The following AKAP9 variants were observed in gnomAD, a reference collection of about 807,000 sequenced individuals.
The protein encoded by AKAP9 is A-kinase anchoring protein 9, also known as A-kinase anchor protein 9.
A neutral mutation model predicts 488.5 loss-of-function variants in AKAP9; 311 were observed. The observed-to-expected ratio is 0.64, with a 90% CI of 0.58 to 0.70. The LOEUF is 0.70. Ranked by LOEUF, AKAP9 falls within the 30% of genes least tolerant of loss-of-function variation. The pLI, the probability that AKAP9 is intolerant of heterozygous loss-of-function variation, is 0.00. For synonymous variants in AKAP9, 1,462 were observed against 1,483.5 expected, an observed-to-expected ratio of 0.99 and a Z score of 0.33; for missense variants, 4,215 against 4,374.5, an observed-to-expected ratio of 0.96 and a Z score of 1.03.
In AKAP9 at chr7:92,036,244, G is replaced by A. The variant is rs952403851; in HGVS notation, c.4339-2175G>A. On this transcript the variant is annotated intron_variant, in intron 16 of 49. Transcript: ENST00000356239. The stretch of plus-strand genomic sequence containing the variant: ...TTTGTTGTTCCCTCGTAGGTAATAC[G>A]TCTTTTTTCTTTAGCAACATTTAAG... Among the ~76,000 whole-genome samples the A allele has an allele frequency of 3.3e-5, 5 of 151,776 alleles. 1 individual carries two copies. In the East Asian group the frequency reaches 5.8e-4, roughly 18 times the overall value.
intron 3 of AKAP9, among the ~76,000 whole-genome samples, chr7:91,986,626 T>C (rs145925218): frequency 1.5e-3 from 230 of 152,272 alleles, no homozygotes; most frequent in Middle Eastern, 6.8e-3. Flanking sequence ...AAATGTTAAT[T>C]AATAGTATGG....
chr7:91,985,644 C>T (rs1165945488), intron 3 of AKAP9, among the ~76,000 whole-genome samples: 2 of 151,826 alleles, frequency 1.3e-5, no homozygotes, highest in African/African-American at 4.8e-5. Context: ...GGGAGGATTC[C>T]CCCACCCCCT....
At chr7:91,994,072 T>G (rs1798093638) in intron 5 of AKAP9, among the ~76,000 whole-genome samples, 1 of 152,152 alleles carries the variant, frequency 6.6e-6, no homozygotes, top group African/African-American at 2.4e-5. Flanking sequence ...GAGGCTGTAG[T>G]GAGCCAAAAT....
Position 91,993,058 on chromosome 7 carries a change from A to G in AKAP9, c.576+3A>G, listed in dbSNP as rs1166701479. The G allele has an allele frequency of 2.5e-6, 4 of 1,613,906 alleles. No homozygotes were observed. The highest frequency in any genetic ancestry group is 1.3e-5 in the African/African-American group (1 of 74,928). On this transcript the variant is annotated splice_donor_region_variant and intron_variant, in intron 5 of 49. Coordinates refer to ENST00000356239, the MANE Select transcript of AKAP9 (RefSeq NM_005751.5). ...ATGGGACTGAAGGACTGCAGCAGGTATGTTTATTTTCTGTGGCTTTTGATT... is the reference window on the plus strand; with the variant it reads ...ATGGGACTGAAGGACTGCAGCAGGTGTGTTTATTTTCTGTGGCTTTTGATT...
chr7:91,973,693 T>G lies in AKAP9; in HGVS notation c.49-18T>G. On this transcript the variant is annotated intron_variant, in intron 1 of 49. Transcript: ENST00000356239. ...AAAAATTATCTTTGACAATAACGGT[T>G]ATTTTCTTTTTTCTTAGCTTGCCCA... 1 of 1,612,596 alleles carries G rather than the reference T, an allele frequency of 6.2e-7. No individual in the cohort carries two copies.
intron 1 of AKAP9, among the ~76,000 whole-genome samples, chr7:91,970,988 G>A (rs930736465): frequency 2.0e-5 from 3 of 151,948 alleles, no homozygotes; most frequent in Admixed American, 6.6e-5. Context: ...AAAAACAGGC[G>A]GTGACATGGT....
In AKAP9 at chr7:92,083,361, G is replaced by T; in HGVS notation, c.8352G>T (p.Gly2784=). Residue 2784 remains glycine (G), a synonymous_variant, in exon 33 of 50, where the codon GGG becomes GGT. Transcript: ENST00000356239. Reference sequence around the variant, plus strand: ...AGAGCATTGCATCCCAGACAGATGGGACTCTGAAGATCAGTAGCAGCAATC... The same window carrying T: ...AGAGCATTGCATCCCAGACAGATGGTACTCTGAAGATCAGTAGCAGCAATC... ...LSKSIASQTD[G]TLKISSSNQT... 1 of 1,614,034 alleles carries T rather than the reference G, an allele frequency of 6.2e-7. No homozygotes were observed. The highest frequency in any genetic ancestry group is 8.5e-7 in the Non-Finnish European group (1 of 1,180,018).
At position 92,004,939 on chromosome 7, in the gene AKAP9, ATAT is replaced by A. The variant is rs1417095856; in HGVS notation, c.3318+1706_3318+1708del. Among the ~76,000 whole-genome samples the A allele has an allele frequency of 3.3e-5, 5 of 152,264 alleles. 1 individual carries two copies. In the South Asian group the frequency reaches 1.0e-3, roughly 32 times the overall value. ...TTCCGGTTTTTGTCCATTCAGTATG[ATAT>A]TGGCTGTGGGTTTGTCATAAATAGC... On this transcript the variant is annotated intron_variant, in intron 8 of 49. Transcript: ENST00000356239.
chr7:92,077,892 T>C lies in AKAP9; in HGVS notation c.6945+17T>C. On this transcript the variant is annotated intron_variant, in intron 30 of 49. Transcript: ENST00000356239. ...GATAACAAGGTATACTCATTTAAAA[T>C]TGATTATGAAATTAATATGAACCAG... is the stretch of plus-strand genomic sequence containing the variant. 6.3e-7 allele frequency: 1 copy of C among 1,587,466 alleles called. No individual in the cohort carries two copies. The highest frequency in any genetic ancestry group is 8.6e-7 in the Non-Finnish European group (1 of 1,161,010).
intron 3 of AKAP9, among the ~76,000 whole-genome samples, 162 bp downstream of exon 3, chr7:91,980,495 C>CTCTTTTT (rs370796984): frequency 2.1e-5 from 1 of 48,756 alleles, no homozygotes; most frequent in Non-Finnish European, 3.3e-5. Context: ...GTATTACTGA[C>CTCTTTTT]TTTTTTTTTT....
intron 1 of AKAP9, among the ~76,000 whole-genome samples, chr7:91,952,611 CAG>C (rs1294879759): frequency 6.6e-6 from 1 of 152,098 alleles, no homozygotes; most frequent in African/African-American, 2.4e-5. Context: ...GGAAAAAGCA[CAG>C]AGATGTGGAA....
At chr7:91,977,430 A>G (rs1795843555) in intron 2 of AKAP9, among the ~76,000 whole-genome samples, 1 of 151,850 alleles carries the variant, frequency 6.6e-6, no homozygotes, top group South Asian at 2.1e-4. Context: ...GTGGTGGGCA[A>G]CTGTAGTCCC....
intron 1 of AKAP9, among the ~76,000 whole-genome samples, chr7:91,949,568 T>C (rs953503207): frequency 2.0e-5 from 3 of 152,216 alleles, no homozygotes; most frequent in Non-Finnish European, 2.9e-5. Flanking sequence ...GCTACTTCAC[T>C]AGTATGAGAT....
In AKAP9 at chr7:91,998,418, CTTTTTTTTTTTTTTTTTTTTT is replaced by C. The variant is rs60778133; in HGVS notation, c.931-2413_931-2393del. Among the ~76,000 whole-genome samples, 106 of 53,998 alleles carry C rather than the reference CTTTTTTTTTTTTTTTTTTTTT, an allele frequency of 2.0e-3. 3 individuals are homozygous for C. The highest frequency in any genetic ancestry group is 2.2e-3 in the South Asian group (3 of 1,350). The allele number at this position is 53,998 out of a possible 152,430, so 35.4% of individuals were successfully genotyped here. A position where few individuals can be genotyped will look rare whatever the true frequency, so the allele number is the denominator to read the frequency against. ...AGATAGTGTATTCAACCACAGGGCT[CTTTTTTTTTTTTTTTTTTTTT>C]TTTTTTTTTTTTTTTTAGAATTCAG... On this transcript the variant is annotated intron_variant, in intron 7 of 49. Transcript: ENST00000356239.
intron 1 of AKAP9, among the ~76,000 whole-genome samples, chr7:91,953,469 C>G (rs1469705174): frequency 5.3e-5 from 8 of 152,172 alleles, no homozygotes; most frequent in Non-Finnish European, 8.8e-5. Flanking sequence ...ATTTACTTAA[C>G]CTCTCTGTTG....
At chr7:92,034,135 A>T (rs1012691524) in intron 16 of AKAP9, among the ~76,000 whole-genome samples, 2 of 152,198 alleles carry the variant, frequency 1.3e-5, no homozygotes, top group African/African-American at 4.8e-5. Context: ...TCAGGAAGAT[A>T]TCAGGTTGAG....
At chr7:91,985,427 T>C (rs1450968940) in intron 3 of AKAP9, among the ~76,000 whole-genome samples, 2 of 152,186 alleles carry the variant, frequency 1.3e-5, no homozygotes, top group African/African-American at 4.8e-5. Context: ...TATTGATTTG[T>C]GTGTTTTGAA....
intron 1 of AKAP9, among the ~76,000 whole-genome samples, chr7:91,970,702 G>C (rs1019681203): frequency 4.6e-5 from 7 of 152,144 alleles, no homozygotes; most frequent in African/African-American, 1.7e-4. Context: ...GGTATCTGTT[G>C]AGAAGTCTGT....
chr7:91,994,892 T>C lies in AKAP9; in HGVS notation c.732+116T>C, dbSNP rs866099127. 169 of 922,454 alleles carry C rather than the reference T, an allele frequency of 1.8e-4. No individual in the cohort carries two copies. In the Middle Eastern group the frequency reaches 2.7e-3, roughly 15 times the overall value. 57.1% of individuals were successfully genotyped at this position (922,454 alleles called of 1,614,324 possible). ...AAGCCATTTCGTATTATATCATGTA[T>C]GAAAAATTAGTGAATATGTGTTGCT... On this transcript the variant is annotated intron_variant, in intron 6 of 49. Transcript: ENST00000356239.
Sources: allele counts gnomAD v4.1 joint callset (sites outside exome capture counted in the v4.1 genomes callset), GRCh38; gene constraint gnomAD v4.1.1; transcripts MANE v1.5; gene names NCBI Gene and HGNC (gene_info 2026-07-23, HGNC 2026-07-21).